Variants in AQR observed in about 807,000 individuals in gnomAD.
The protein encoded by AQR is aquarius intron-binding spliceosomal factor.
Under a neutral mutation model 180.5 loss-of-function variants are expected in AQR, and 61 were observed. The ratio of observed to expected loss-of-function variants is 0.34; its 90% CI spans 0.28 to 0.42. The LOEUF is 0.42. AQR is among the 10% of genes least tolerant of loss of function. AQR has a pLI of 1.00. For missense variants in AQR, 1,281 were observed against 1,798.3 expected, an observed-to-expected ratio of 0.71 and a Z score of 5.20; for synonymous variants, 551 against 588.8, an observed-to-expected ratio of 0.94 and a Z score of 0.93.
rs919431056 is a variant in AQR, at chr15:34,871,068, T to C, written c.3598-146A>G. 16 of 659,434 alleles carry C rather than the reference T, an allele frequency of 2.4e-5. No homozygotes were observed. The African/African-American group carries it at 2.5e-4, about 10-fold the overall frequency. 40.8% of individuals were successfully genotyped at this position (659,434 alleles called of 1,614,324 possible). ...TAGTAACTTGGATAAGTGAGTACCT[T>C]TCATAAAACTGAGGGATAATTTTAT... On this transcript the variant is annotated intron_variant, in intron 30 of 34. Coordinates refer to ENST00000156471, the MANE Select transcript of AQR (RefSeq NM_014691.3).
At chr15:34,948,125 C>T (rs1894157091) in intron 5 of AQR, 139 bp downstream of exon 5, 3 of 885,148 alleles carry the variant, frequency 3.4e-6, no homozygotes, top group Non-Finnish European at 4.9e-6. Context: ...CTTTCACATA[C>T]CCATTCTTTT....
intron 27 of AQR, among the ~76,000 whole-genome samples, chr15:34,882,210 G>A (rs1056307504): frequency 2.0e-5 from 3 of 151,550 alleles, no homozygotes; most frequent in African/African-American, 7.3e-5. Flanking sequence ...TTTTTCATAA[G>A]CTTTATTTGG....
At position 34,963,661 on chromosome 15, in the gene AQR, C is replaced by CTTTTTTTTTCTTTTTT. The variant is rs1566793151; in HGVS notation, c.132+572_132+573insAAAAAAGAAAAAAAAA. Among the ~76,000 whole-genome samples the CTTTTTTTTTCTTTTTT allele has an allele frequency of 4.3e-3, 631 of 148,408 alleles. 5 individuals are homozygous for CTTTTTTTTTCTTTTTT. Among genetic ancestry groups the CTTTTTTTTTCTTTTTT allele is most frequent in the African/African-American group, 0.015 (604 of 39,366 alleles). ...CAGTTAAGTAAATTATACACGTACA[C>CTTTTTTTTTCTTTTTT]TTTTTTTTTTTCTTTTTTTTGAGAT... On this transcript the variant is annotated intron_variant, in intron 2 of 34. Coordinates refer to ENST00000156471, the MANE Select transcript of AQR (RefSeq NM_014691.3).
At chr15:34,914,802 C>T (rs1346372786) in intron 16 of AQR, among the ~76,000 whole-genome samples, 1 of 152,140 alleles carries the variant, frequency 6.6e-6, no homozygotes, top group Non-Finnish European at 1.5e-5. Flanking sequence ...ACTTCTTCTC[C>T]CTTATCCCCA....
At chr15:34,952,848 A>G (rs1364997698) in intron 4 of AQR, 37 bp downstream of exon 4, 2 of 1,390,770 alleles carry the variant, frequency 1.4e-6, no homozygotes, top group Non-Finnish European at 2.0e-6. Context: ...CTGAAATCAC[A>G]TTATCTCTTT....
At chr15:34,936,346 G>A (rs1452825266) in intron 9 of AQR, among the ~76,000 whole-genome samples, 1 of 152,090 alleles carries the variant, frequency 6.6e-6, no homozygotes, top group Non-Finnish European at 1.5e-5. Context: ...TTCTGAACTG[G>A]CAAATTACTG....
At chr15:34,910,091 T>C in intron 17 of AQR, 44 bp downstream of exon 17, 2 of 1,603,586 alleles carry the variant, frequency 1.2e-6, no homozygotes, top group South Asian at 1.1e-5. Flanking sequence ...TGAAAGTTCA[T>C]AACAAGGCAA....
intron 15 of AQR, among the ~76,000 whole-genome samples, chr15:34,916,281 T>A (rs1378969717): frequency 2.0e-5 from 3 of 152,306 alleles, no homozygotes; most frequent in East Asian, 3.9e-4. Flanking sequence ...CCAGACATTG[T>A]TTGTATGTTA....
chr15:34,882,448 C>T, intron 27 of AQR, 54 bp downstream of exon 27: 1 of 1,350,568 alleles, frequency 7.4e-7, no homozygotes, highest in African/African-American at 1.6e-5. Context: ...AAGAAGTGAG[C>T]CAATCTCTGA....
Position 34,873,940 on chromosome 15 carries a change from A to C in AQR, c.3485T>G (p.Leu1162Arg), listed in dbSNP as rs1489294380. 1 of 1,612,456 alleles carries C rather than the reference A, an allele frequency of 6.2e-7. No homozygotes were observed. The highest frequency in any genetic ancestry group is 1.3e-5 in the African/African-American group (1 of 74,880). ...KNLGNLPHVQ[L>R]LPEFSTANAG... ...ATTTGCTGTACTAAACTCTGGCAAG[A>C]GCTGCACATGGGGTAAGTTTCCTAG... Residue 1162 changes from leucine (L) to arginine (R), a missense_variant, in exon 30 of 35, where the codon CTC (leucine) becomes CGC (arginine). Around this residue, in one of 9 missense-constraint regions of AQR, gnomAD observed 197 missense variants for 320.7 expected, o/e 0.61. Transcript: ENST00000156471.
Position 34,856,865 on chromosome 15 carries a change from A to G in AQR, c.4385T>C (p.Val1462Ala), listed in dbSNP as rs745994150. 1.2e-6 allele frequency: 2 copies of G among 1,612,670 alleles called. No individual in the cohort carries two copies. The highest frequency in any genetic ancestry group is 1.1e-5 in the South Asian group (1 of 90,788). ...PALSETTPTVVGAVSAPAEAN... is the reference protein window; with the variant it reads ...PALSETTPTVAGAVSAPAEAN... The stretch of plus-strand genomic sequence containing the variant: ...TTCTGCCGGTGCAGATACAGCTCCT[A>G]CCACAGTAGGGGTGGTCTCAGATAA... Residue 1462 changes from valine (V) to alanine (A), a missense_variant, in exon 35 of 35, where the codon GTA becomes GCA. By Grantham distance (64) the Val-to-Ala change is moderately conservative. Coordinates refer to ENST00000156471, the MANE Select transcript of AQR (RefSeq NM_014691.3).
rs1435172162 is a variant in AQR, at chr15:34,855,447, T to G, written c.*1345A>C. 2 of 152,080 alleles carry G rather than the reference T, an allele frequency of 1.3e-5. No homozygotes were observed. The highest frequency in any genetic ancestry group is 2.9e-5 in the Non-Finnish European group (2 of 68,026). 9.4% of individuals were successfully genotyped at this position (152,080 alleles called of 1,614,324 possible). ...TCTGGGGTAAATGCTCCCCTCCCCT[T>G]TAGATACTCTAGCAGATGATCAAAA... On this transcript the variant is annotated 3_prime_UTR_variant, in exon 35 of 35. Transcript: ENST00000156471.
intron 3 of AQR, among the ~76,000 whole-genome samples, chr15:34,960,405 T>C (rs1045696554): frequency 2.0e-5 from 3 of 152,244 alleles, no homozygotes; most frequent in Non-Finnish European, 4.4e-5. Context: ...ATACATTTTA[T>C]ACATTACATA....
At chr15:34,946,892 G>A (rs1316797914) in intron 5 of AQR, among the ~76,000 whole-genome samples, 1 of 148,514 alleles carries the variant, frequency 6.7e-6, no homozygotes, top group Non-Finnish European at 1.5e-5. Flanking sequence ...AGGTGGGGGG[G>A]GTCAGCCCCC....
Position 34,855,051 on chromosome 15 carries a change from T to C in AQR, c.*1741A>G, listed in dbSNP as rs1247284806. 6.6e-6 allele frequency: 1 copy of C among 152,276 alleles called. No individual in the cohort carries two copies. Among genetic ancestry groups the C allele is most frequent in the African/African-American group, 2.4e-5 (1 of 41,480 alleles). The allele number at this position is 152,276 out of a possible 1,614,324, so 9.4% of individuals were successfully genotyped here. On this transcript the variant is annotated 3_prime_UTR_variant, in exon 35 of 35. Transcript: ENST00000156471. ...TTACATAACAGGCTATCTGGCTTGA[T>C]CCTTACTCTGATAACAAATAGACCT...
chr15:34,887,762 C>G (rs1357250223), intron 24 of AQR, among the ~76,000 whole-genome samples: 2 of 152,084 alleles, frequency 1.3e-5, no homozygotes, highest in Non-Finnish European at 2.9e-5. Context: ...GTCTGTAGTT[C>G]AGAGATTCAC....
At chr15:34,966,313 G>T (rs1304862193) in intron 1 of AQR, among the ~76,000 whole-genome samples, 5 of 152,098 alleles carry the variant, frequency 3.3e-5, no homozygotes, top group Non-Finnish European at 7.3e-5. Flanking sequence ...CAGATGCTCA[G>T]AAATTAAATT....
intron 13 of AQR, among the ~76,000 whole-genome samples, chr15:34,921,321 C>G (rs1893681095): frequency 6.6e-6 from 1 of 151,380 alleles, no homozygotes; most frequent in African/African-American, 2.4e-5. Context: ...GTAGTCCCAG[C>G]TACTCAGGAG....
At chr15:34,944,468 G>C (rs201904711) in intron 5 of AQR, 40 bp from the exon 6 acceptor site, 1 of 1,539,278 alleles carries the variant, frequency 6.5e-7, no homozygotes, top group South Asian at 1.3e-5. Context: ...GTATTGGCTT[G>C]CTCACTTAAG....
Sources: allele counts gnomAD v4.1 joint callset (sites outside exome capture counted in the v4.1 genomes callset), GRCh38; gene constraint gnomAD v4.1.1; regional missense constraint gnomAD v4.1.1; transcripts MANE v1.5; gene names NCBI Gene and HGNC (gene_info 2026-07-23, HGNC 2026-07-21).